The following VPS13B variants were observed in gnomAD, a reference collection of about 807,000 sequenced individuals.
VPS13B encodes the protein vacuolar protein sorting 13 homolog B.
A neutral mutation model predicts 426.4 loss-of-function variants in VPS13B; 285 were observed. The observed-to-expected ratio is 0.67, with a 90% CI of 0.61 to 0.74. VPS13B has a LOEUF of 0.74. Among genes scored for constraint, VPS13B ranks in the 30% least tolerant of loss-of-function variants. The pLI, the probability that VPS13B is intolerant of heterozygous loss-of-function variation, is 0.00. For missense variants in VPS13B, 4,537 were observed against 4,782.6 expected (o/e 0.95, Z 1.51); for synonymous variants, 1,676 against 1,676.4 (o/e 1.00, Z 0.01).
chr8:99,564,622 A>G (rs892838610), intron 31 of VPS13B, among the ~76,000 whole-genome samples: 3 of 152,240 alleles, frequency 2.0e-5, no homozygotes, highest in African/African-American at 4.8e-5. Flanking sequence ...CTTTCACTGC[A>G]TTTAAAACAT....
chr8:99,837,472 T>TG (rs1461616949), intron 54 of VPS13B, among the ~76,000 whole-genome samples: 4 of 152,344 alleles, frequency 2.6e-5, no homozygotes, highest in African/African-American at 9.6e-5. Context: ...TATATTTGAC[T>TG]GGGGAATTCT....
At position 99,652,432 on chromosome 8, in the gene VPS13B, T is replaced by C. The variant is rs570401625; in HGVS notation, c.5909-8922T>C. ...ATAAATATTGTTGCTTTTGTCATCA[T>C]TGTTAATATCTTTAAGTGTTTTTTT... On this transcript the variant is annotated intron_variant, in intron 34 of 61. Transcript: ENST00000357162. Among the ~76,000 whole-genome samples, 4 of 152,248 alleles carry C rather than the reference T, an allele frequency of 2.6e-5. No homozygotes were observed. In the South Asian group the frequency reaches 8.3e-4, roughly 32 times the overall value.
At chr8:99,045,564 C>T (rs1843195113) in intron 3 of VPS13B, among the ~76,000 whole-genome samples, 1 of 151,998 alleles carries the variant, frequency 6.6e-6, no homozygotes, top group Non-Finnish European at 1.5e-5. Flanking sequence ...TAATTAAGTC[C>T]CAGCTATTTG....
At chr8:99,210,699 G>C (rs1395775979) in intron 17 of VPS13B, among the ~76,000 whole-genome samples, 2 of 151,944 alleles carry the variant, frequency 1.3e-5, no homozygotes, top group Non-Finnish European at 2.9e-5. Flanking sequence ...TCAGCCTCCT[G>C]GGCTCAAAAG....
At chr8:99,023,112 C>A (rs535769464) in intron 2 of VPS13B, among the ~76,000 whole-genome samples, 8 of 151,904 alleles carry the variant, frequency 5.3e-5, no homozygotes, top group Non-Finnish European at 1.2e-4. Flanking sequence ...CCTCAGCCTC[C>A]CAAGTAGCTA....
chr8:99,135,051 A>C lies in VPS13B; in HGVS notation c.1339A>C (p.Ile447Leu), dbSNP rs1810003899. ...GGGAGAACCTTTCTTTGATTGCCAG[A>C]TTGGGTTTGTTGGTTGCAGAGCCAT... ...MMGEPFFDCQIGFVGCRAMCL... is the reference protein window; with the variant it reads ...MMGEPFFDCQLGFVGCRAMCL... Residue 447 changes from isoleucine (I) to leucine (L), a missense_variant, in exon 10 of 62, where the codon ATT (isoleucine) becomes CTT (leucine). Around this residue, in one of 2 missense-constraint regions of VPS13B, gnomAD observed 4,311 missense variants for 4,474.3 expected, o/e 0.96. Coordinates refer to ENST00000357162, the MANE Select transcript of VPS13B (RefSeq NM_152564.5). The C allele has an allele frequency of 1.2e-6, 2 of 1,613,462 alleles. No homozygotes were observed. Among genetic ancestry groups the C allele is most frequent in the Non-Finnish European group, 1.7e-6 (2 of 1,179,590 alleles).
chr8:99,017,029 TATCA>T (rs745552978), intron 2 of VPS13B, among the ~76,000 whole-genome samples: 8 of 152,250 alleles, frequency 5.3e-5, no homozygotes, highest in Admixed American at 2.0e-4. Context: ...AGGTCCAATT[TATCA>T]ATCTTTTCCC....
At chr8:99,286,747 A>C (rs571253361) in intron 19 of VPS13B, among the ~76,000 whole-genome samples, 1 of 152,312 alleles carries the variant, frequency 6.6e-6, no homozygotes, top group Non-Finnish European at 1.5e-5. Context: ...GAGGCTTGCT[A>C]AATTCCAGAT....
At chr8:99,845,380 A>G (rs988689413) in intron 54 of VPS13B, among the ~76,000 whole-genome samples, 4 of 152,086 alleles carry the variant, frequency 2.6e-5, no homozygotes, top group South Asian at 2.1e-4. Context: ...TTAAAAGAAG[A>G]ATGATTAACA....
chr8:99,306,250 G>A (rs1464932307), intron 19 of VPS13B, among the ~76,000 whole-genome samples: 1 of 152,014 alleles, frequency 6.6e-6, no homozygotes, highest in Non-Finnish European at 1.5e-5. Flanking sequence ...CTGAGAGTGG[G>A]CAAGAGGCTA....
chr8:99,846,366 T>C (rs890255811), intron 54 of VPS13B, among the ~76,000 whole-genome samples: 1 of 152,240 alleles, frequency 6.6e-6, no homozygotes, highest in African/African-American at 2.4e-5. Flanking sequence ...GCATCTTCTC[T>C]GTGCCTGATG....
intron 19 of VPS13B, among the ~76,000 whole-genome samples, chr8:99,375,438 A>G (rs1424351787): frequency 6.6e-6 from 1 of 152,202 alleles, no homozygotes; most frequent in African/African-American, 2.4e-5. Flanking sequence ...AATTTCCTAC[A>G]TCCTACGAGA....
chr8:99,271,201 T>A (rs925151603), intron 17 of VPS13B, among the ~76,000 whole-genome samples: 54 of 100,522 alleles, frequency 5.4e-4, no homozygotes, highest in African/African-American at 1.7e-3. Context: ...CACTAACTAC[T>A]ACTACTACTA....
chr8:99,287,687 A>C (rs1387076606), intron 19 of VPS13B, among the ~76,000 whole-genome samples: 2 of 152,024 alleles, frequency 1.3e-5, no homozygotes, highest in African/African-American at 4.8e-5. Context: ...AGGGGACAAA[A>C]GTAAGAAGCA....
intron 31 of VPS13B, among the ~76,000 whole-genome samples, chr8:99,564,148 A>G (rs1257519292): frequency 6.6e-6 from 1 of 152,158 alleles, no homozygotes; most frequent in Non-Finnish European, 1.5e-5. Flanking sequence ...ATCAGATTTT[A>G]AAACTTGAAG....
chr8:99,591,049 G>C (rs1193985442), intron 33 of VPS13B, among the ~76,000 whole-genome samples: 1 of 151,666 alleles, frequency 6.6e-6, no homozygotes, highest in Non-Finnish European at 1.5e-5. Context: ...ATTTAGTATA[G>C]TTAGCTCTTC....
chr8:99,605,456 C>G (rs183690661), intron 33 of VPS13B, among the ~76,000 whole-genome samples: 132 of 152,176 alleles, frequency 8.7e-4, no homozygotes, highest in African/African-American at 2.9e-3. Flanking sequence ...ATAGATAACT[C>G]TAATCCTAGA....
At chr8:99,471,169 G>A (rs187473310) in intron 24 of VPS13B, among the ~76,000 whole-genome samples, 203 of 152,194 alleles carry the variant, frequency 1.3e-3, no homozygotes, top group African/African-American at 4.6e-3. Context: ...GCAGGATGAA[G>A]GAAAATGATA....
intron 17 of VPS13B, among the ~76,000 whole-genome samples, chr8:99,249,663 T>G (rs1817402144): frequency 6.6e-6 from 1 of 152,122 alleles, no homozygotes; most frequent in South Asian, 2.1e-4. Context: ...GACCTCATGA[T>G]CCACCCACCT....
Sources: gnomAD v4.1 joint callset for allele counts (sites outside exome capture counted in the v4.1 genomes callset) on GRCh38, gnomAD v4.1.1 for gene constraint, gnomAD v4.1.1 regional missense constraint, MANE v1.5 for transcripts, NCBI Gene and HGNC (gene_info 2026-07-23, HGNC 2026-07-21) for gene names.